The following BOD1L1 variants were observed in gnomAD, a reference collection of about 807,000 sequenced individuals.
The protein encoded by BOD1L1 is biorientation of chromosomes in cell division protein 1-like 1.
Under a neutral mutation model 240.7 loss-of-function variants are expected in BOD1L1, and 86 were observed. That is an observed-to-expected ratio of 0.36 (90% CI 0.30 to 0.43). The LOEUF (loss-of-function observed/expected upper bound fraction) is 0.43. Ranked by LOEUF, BOD1L1 falls within the 20% of genes least tolerant of loss-of-function variation. BOD1L1 has a pLI of 1.00. For synonymous variants in BOD1L1, 1,268 were observed against 1,272.3 expected, an observed-to-expected ratio of 1.00 and a Z score of 0.07; for missense variants, 3,554 against 3,643.5, an observed-to-expected ratio of 0.98 and a Z score of 0.63.
intron 1 of BOD1L1, among the ~76,000 whole-genome samples, chr4:13,621,694 T>A (rs1717048339): frequency 1.3e-5 from 2 of 152,140 alleles, no homozygotes; most frequent in African/African-American, 4.8e-5. Flanking sequence ...AATATACTTG[T>A]TAGCTGAATG....
rs1716368522 is a variant in BOD1L1, at chr4:13,613,871, T to A, written c.1175-210A>T. Among the ~76,000 whole-genome samples the A allele has an allele frequency of 2.0e-5, 3 of 152,124 alleles. No homozygotes were observed. Among genetic ancestry groups the A allele is most frequent in the African/African-American group, 4.8e-5 (2 of 41,442 alleles). On this transcript the variant is annotated intron_variant, in intron 4 of 25. Coordinates refer to ENST00000040738, the MANE Select transcript of BOD1L1 (RefSeq NM_148894.3). The surrounding 1 kb of genome is among the most constrained non-coding windows in gnomAD (Gnocchi z 4.0). Reference sequence around the variant, plus strand: ...TAATTTATAATGTATGATATAATAATAAAATGAATTTTAAGTAACTGAAGT... The same window carrying A: ...TAATTTATAATGTATGATATAATAAAAAAATGAATTTTAAGTAACTGAAGT...
rs112438762 is a variant in BOD1L1, at chr4:13,627,637, G to A, written c.-50C>T. ...GGGCCCTGACCGGCGGACGATCCTG[G>A]GAGGCGGCGGCTGCACTGGTCCCGC... On this transcript the variant is annotated 5_prime_UTR_variant, in exon 1 of 26. Coordinates refer to ENST00000040738, the MANE Select transcript of BOD1L1 (RefSeq NM_148894.3). 5 of 1,139,616 alleles carry A rather than the reference G, an allele frequency of 4.4e-6. No homozygotes were observed. The highest frequency in any genetic ancestry group is 5.4e-6 in the Non-Finnish European group (5 of 927,394). The allele number at this position is 1,139,616 out of a possible 1,614,324, so 70.6% of individuals were successfully genotyped here. A position where few individuals can be genotyped will look rare whatever the true frequency, so the allele number is the denominator to read the frequency against.
At chr4:13,623,314 C>A (rs1441954131) in intron 1 of BOD1L1, 1 of 151,970 alleles carries the variant, frequency 6.6e-6, no homozygotes, top group Non-Finnish European at 1.5e-5. Flanking sequence ...AATAAATTGA[C>A]CAGGGGCCAT....
chr4:13,615,246 T>A, intron 3 of BOD1L1, 66 bp downstream of exon 3: 1 of 1,427,770 alleles, frequency 7.0e-7, no homozygotes, highest in Non-Finnish European at 9.4e-7. Context: ...GAGCCAAGTA[T>A]CCCTAACTTG....
rs746504761 is a variant in BOD1L1 at position 13,577,360 on chromosome 4, T to G, written c.8884+43A>C. Reference sequence around the variant, plus strand: ...AAAGAAAAACTCTTTAAAAAGGTGGTTTTGAAACAATAAGACTTATTAAGA... The same window carrying G: ...AAAGAAAAACTCTTTAAAAAGGTGGGTTTGAAACAATAAGACTTATTAAGA... On this transcript the variant is annotated intron_variant, in intron 24 of 25. Transcript: ENST00000040738. The G allele has an allele frequency of 5.8e-6, 9 of 1,564,512 alleles. No homozygotes were observed. In the African/African-American group the frequency reaches 9.6e-5, roughly 17 times the overall value.
rs36096107 is a variant in BOD1L1 at position 13,584,441 on chromosome 4, AGTGTGTGTGTGTGTGT to A, written c.8434-1721_8434-1706del. Among the ~76,000 whole-genome samples, 1,346 of 134,906 alleles carry A rather than the reference AGTGTGTGTGTGTGTGT, an allele frequency of 1.0e-2. 20 individuals are homozygous for A. The highest frequency in any genetic ancestry group is 0.033 in the African/African-American group (1,199 of 36,424). 88.5% of individuals were successfully genotyped at this position (134,906 alleles called of 152,430 possible). A position where few individuals can be genotyped will look rare whatever the true frequency, so the allele number is the denominator to read the frequency against. Reference sequence around the variant, plus strand: ...GTGGCGGGGAGAGAAAGAGAGAGAGAGTGTGTGTGTGTGTGTGTGTGTGTGTGTGTGTGTGTGTGTG... The same window carrying A: ...GTGGCGGGGAGAGAAAGAGAGAGAGAGTGTGTGTGTGTGTGTGTGTGTGTG... On this transcript the variant is annotated intron_variant, in intron 17 of 25. Coordinates refer to ENST00000040738, the MANE Select transcript of BOD1L1 (RefSeq NM_148894.3).
chr4:13,577,672 T>G (rs371086939), intron 22 of BOD1L1, 41 bp from the exon 23 acceptor site: 10 of 1,441,806 alleles, frequency 6.9e-6, no homozygotes, highest in Non-Finnish European at 8.5e-6. Context: ...ATTTTATTAC[T>G]GTAAATTTAA....
At chr4:13,607,847 A>T (rs1040202912) in intron 8 of BOD1L1, among the ~76,000 whole-genome samples, 12 of 152,182 alleles carry the variant, frequency 7.9e-5, no homozygotes, top group African/African-American at 2.7e-4. Context: ...ATTTATTCAG[A>T]TCAATAAGGA....
intron 1 of BOD1L1, among the ~76,000 whole-genome samples, chr4:13,623,172 CTTG>C (rs1465058759): frequency 6.6e-6 from 1 of 152,168 alleles, no homozygotes; most frequent in Admixed American, 6.5e-5. Context: ...CCATACATTA[CTTG>C]TTGTCTATTT....
rs796422949 is a variant in BOD1L1, at chr4:13,602,984, T to C, written c.3916A>G (p.Lys1306Glu). The stretch of plus-strand genomic sequence containing the variant: ...GTGCTACCTTCCAAAACAGTTCTTT[T>C]GTCAAACAGAGGAATTACATCTGGA... ...YDPDVIPLFDKRTVLEGSTAS... is the reference protein window; with the variant it reads ...YDPDVIPLFDERTVLEGSTAS... The change falls in exon 10 of 26, where the codon AAA (lysine) becomes GAA (glutamate). Residue 1306 changes from lysine to glutamate, a missense_variant. This residue lies in a region of BOD1L1 where 3,393 missense variants were observed against 3,427.1 expected (regional missense o/e 0.99). Coordinates refer to ENST00000040738, the MANE Select transcript of BOD1L1 (RefSeq NM_148894.3). The C allele has an allele frequency of 4.3e-6, 7 of 1,613,920 alleles. No individual in the cohort carries two copies. The highest frequency in any genetic ancestry group is 2.2e-5 in the South Asian group (2 of 91,088).
chr4:13,602,084 A>G lies in BOD1L1; in HGVS notation c.4816T>C (p.Phe1606Leu). 1 of 1,614,048 alleles carries G rather than the reference A, an allele frequency of 6.2e-7. No homozygotes were observed. Among genetic ancestry groups the G allele is most frequent in the South Asian group, 1.1e-5 (1 of 91,088 alleles). The stretch of plus-strand genomic sequence containing the variant: ...TCCCCTTCCTTAGTGCTTGTGAGGA[A>G]GGTTTCACTTTCAGCAAATCCCTCT... ...VTEGFAESET[F>L]LTSTKEGESG... The change falls in exon 10 of 26, where the codon TTC becomes CTC. Residue 1606 changes from phenylalanine (F) to leucine (L), a missense_variant. This residue lies in a region of BOD1L1 where 3,393 missense variants were observed against 3,427.1 expected (regional missense o/e 0.99). Transcript: ENST00000040738.
At chr4:13,573,323 A>C (rs572063528) in intron 25 of BOD1L1, among the ~76,000 whole-genome samples, 4 of 152,126 alleles carry the variant, frequency 2.6e-5, no homozygotes, top group Non-Finnish European at 5.9e-5. Context: ...AGTAATGAGG[A>C]TGCACACTGA....
Position 13,595,870 on chromosome 4 carries a change from T to C in BOD1L1, c.8094A>G (p.Pro2698=), listed in dbSNP as rs769590035. ...APPESLCGGK[P]SGIAELQREP... is the part of the protein sequence containing the mutation. ...TTCTAAAGAGCTCACCTATTCCACT[T>C]GGCTTTCCCCCACACAGACTTTCTG... Residue 2698 remains proline (P), a synonymous_variant, in exon 12 of 26, where the codon CCA becomes CCG. Transcript: ENST00000040738. 25 of 1,613,558 alleles carry C rather than the reference T, an allele frequency of 1.5e-5. 1 individual carries two copies. The South Asian group carries it at 2.3e-4, about 15-fold the overall frequency.
intron 18 of BOD1L1, 61 bp from the exon 19 acceptor site, chr4:13,582,371 A>T: frequency 7.9e-7 from 1 of 1,273,668 alleles, no homozygotes; most frequent in East Asian, 2.3e-5. Flanking sequence ...CCCCACCTTT[A>T]CCCAGGTGAC....
chr4:13,627,122 C>A (rs540201880), intron 1 of BOD1L1, among the ~76,000 whole-genome samples: 14 of 152,344 alleles, frequency 9.2e-5, no homozygotes, highest in South Asian at 2.1e-4. Context: ...TCTTGCTCAT[C>A]AGACCGGGGT....
At chr4:13,593,284 G>A (rs1714360719) in intron 12 of BOD1L1, 1 of 152,110 alleles carries the variant, frequency 6.6e-6, no homozygotes, top group African/African-American at 2.4e-5. Context: ...GTAGTGATAT[G>A]CATTATGAAA....
At position 13,590,405 on chromosome 4, in the gene BOD1L1, G is replaced by T. The variant is rs555836394; in HGVS notation, c.8190C>A (p.Ser2730Arg). The T allele has an allele frequency of 6.6e-7, 1 of 1,507,702 alleles. No individual in the cohort carries two copies. Among genetic ancestry groups the T allele is most frequent in the African/African-American group, 1.4e-5 (1 of 71,946 alleles). The allele number at this position is 1,507,702 out of a possible 1,614,324, so 93.4% of individuals were successfully genotyped here. A position where few individuals can be genotyped will look rare whatever the true frequency, so the allele number is the denominator to read the frequency against. The part of the protein sequence containing the change: ...SGFRTNEEIH[S>R]ESYNKGEISS... ...ACTTACCTCCTTTGTTATAAGATTC[G>T]CTATGAATTTCTTCATTTGTTCTGA... The change falls in exon 14 of 26, where the codon AGC becomes AGA. Residue 2730 changes from serine (S) to arginine (R), a missense_variant. Around this residue, in one of 2 missense-constraint regions of BOD1L1, gnomAD observed 3,393 missense variants for 3,427.1 expected, o/e 0.99. Coordinates refer to ENST00000040738, the MANE Select transcript of BOD1L1 (RefSeq NM_148894.3).
At position 13,599,923 on chromosome 4, in the gene BOD1L1, T is replaced by A. The variant is rs1315240179; in HGVS notation, c.6977A>T (p.Asp2326Val). The change falls in exon 10 of 26, where the codon GAT becomes GTT. Residue 2326 changes from aspartate to valine, a missense_variant. Physicochemically the swap from Asp to Val is radical, Grantham distance 152. Transcript: ENST00000040738. ...TGTGCTGGTGGAGATGATGGCAGCA[T>A]CGCTCAAGTCTTCTACTCTTGTGAT... Reference protein sequence around the residue: ...LTITRVEDLSDAAIISTSTAE... With the variant: ...LTITRVEDLSVAAIISTSTAE... 1.2e-6 allele frequency: 2 copies of A among 1,613,576 alleles called. No homozygotes were observed. The highest frequency in any genetic ancestry group is 1.7e-5 in the Admixed American group (1 of 59,972).
At position 13,605,039 on chromosome 4, in the gene BOD1L1, C is replaced by T. The variant is rs1344039537; in HGVS notation, c.1861G>A (p.Val621Ile). ...KISSSKELKH[V>I]HAKSEPSKPA... is the part of the protein sequence containing the mutation. ...TTACTTGGTTCACTTTTTGCATGAA[C>T]ATGCTTCAGCTCCTTTGAAGAAGAA... Residue 621 changes from valine (V) to isoleucine (I), a missense_variant, in exon 10 of 26, where the codon GTT becomes ATT. Physicochemically the swap from Val to Ile is conservative, Grantham distance 29. Transcript: ENST00000040738. 11 of 1,596,388 alleles carry T rather than the reference C, an allele frequency of 6.9e-6. No individual in the cohort carries two copies. The highest frequency in any genetic ancestry group is 9.4e-6 in the Non-Finnish European group (11 of 1,174,798).
Sources: allele counts gnomAD v4.1 joint callset (sites outside exome capture counted in the v4.1 genomes callset), GRCh38; gene constraint gnomAD v4.1.1; regional missense constraint gnomAD v4.1.1; non-coding constraint Gnocchi (gnomAD v3.1); transcripts MANE v1.5; gene names NCBI Gene and HGNC (gene_info 2026-07-23, HGNC 2026-07-21).